AKAP19: variants seen among roughly 807,000 people sequenced by gnomAD.
AKAP19 encodes the protein A-kinase anchoring protein 19.
At chr2:189,987,152 T>C in the AKAP19 span, among the ~76,000 whole-genome samples, 1 of 152,154 alleles carries the variant, frequency 6.6e-6, no homozygotes, top group Non-Finnish European at 1.5e-5. Flanking sequence ...CAGGGGAAGG[T>C]AATTGAATCA....
chr2:190,083,245 G>T, the AKAP19 span, among the ~76,000 whole-genome samples: 1 of 152,110 alleles, frequency 6.6e-6, no homozygotes, highest in Non-Finnish European at 1.5e-5. Flanking sequence ...CAGGTGTGGT[G>T]GTGTGCACCT....
the AKAP19 span, among the ~76,000 whole-genome samples, chr2:190,039,700 G>A: frequency 6.6e-6 from 1 of 151,820 alleles, no homozygotes; most frequent in Non-Finnish European, 1.5e-5. Context: ...AGACCCCGGT[G>A]TCTGTTGTTT....
chr2:189,999,084 T>C, the AKAP19 span, among the ~76,000 whole-genome samples: 1 of 152,074 alleles, frequency 6.6e-6, no homozygotes. Flanking sequence ...TTTTTTCTTT[T>C]ATTGACTTCT....
the AKAP19 span, among the ~76,000 whole-genome samples, chr2:190,122,717 A>C: frequency 1.4e-4 from 21 of 152,108 alleles, no homozygotes; most frequent in Non-Finnish European, 2.5e-4. Flanking sequence ...TATTTATTAC[A>C]GTTTCACATT....
At chr2:190,118,675 T>C in the AKAP19 span, among the ~76,000 whole-genome samples, 1 of 152,360 alleles carries the variant, frequency 6.6e-6, no homozygotes, top group African/African-American at 2.4e-5. Context: ...CAGCCCTTCA[T>C]GCTAAAAACT....
the AKAP19 span, among the ~76,000 whole-genome samples, chr2:190,021,728 A>G: frequency 6.6e-6 from 1 of 152,194 alleles, no homozygotes; most frequent in Non-Finnish European, 1.5e-5. Flanking sequence ...TGCCATTTGT[A>G]TAACTGAAAC....
At chr2:189,943,531 G>A in the AKAP19 span, among the ~76,000 whole-genome samples, 1 of 152,210 alleles carries the variant, frequency 6.6e-6, no homozygotes, top group African/African-American at 2.4e-5. Context: ...GGAAATGTGG[G>A]GTTGGAGCCC....
At chr2:189,926,160 A>G in the AKAP19 span, among the ~76,000 whole-genome samples, 3 of 152,110 alleles carry the variant, frequency 2.0e-5, no homozygotes, top group Admixed American at 2.0e-4. Context: ...TTTCTTGACT[A>G]TTTTCCAAGG....
the AKAP19 span, among the ~76,000 whole-genome samples, chr2:189,978,338 G>C: frequency 6.6e-6 from 1 of 151,226 alleles, no homozygotes; most frequent in Non-Finnish European, 1.5e-5. Context: ...GTGAAAATTT[G>C]GGCTGGGCAT....
the AKAP19 span, among the ~76,000 whole-genome samples, chr2:190,028,623 T>C: frequency 6.6e-6 from 1 of 152,214 alleles, no homozygotes. Flanking sequence ...TCAGTAGATA[T>C]TTGTTATTTA....
chr2:190,082,878 C>T, the AKAP19 span, among the ~76,000 whole-genome samples: 1 of 152,214 alleles, frequency 6.6e-6, no homozygotes, highest in Non-Finnish European at 1.5e-5. Flanking sequence ...CTACTTGTTC[C>T]AAATGTAATG....
At chr2:190,175,792 A>G in the AKAP19 span, among the ~76,000 whole-genome samples, 2 of 152,238 alleles carry the variant, frequency 1.3e-5, no homozygotes, top group African/African-American at 4.8e-5. Flanking sequence ...ATATATTAAA[A>G]TATTATAATG....
chr2:189,913,492 T>A, the AKAP19 span, among the ~76,000 whole-genome samples: 1 of 152,130 alleles, frequency 6.6e-6, no homozygotes, highest in Non-Finnish European at 1.5e-5. Context: ...TAAAACTATA[T>A]GTTACATTTA....
the AKAP19 span, among the ~76,000 whole-genome samples, chr2:190,186,533 G>T: frequency 6.6e-6 from 1 of 152,114 alleles, no homozygotes; most frequent in African/African-American, 2.4e-5. The surrounding 1 kb of genome is among the most constrained non-coding windows in gnomAD (Gnocchi z 5.5). Flanking sequence ...TGTTCTTTCG[G>T]TGACCTTCAT....
the AKAP19 span, among the ~76,000 whole-genome samples, chr2:190,019,617 C>T: frequency 6.6e-6 from 1 of 151,868 alleles, no homozygotes; most frequent in African/African-American, 2.4e-5. Flanking sequence ...TTCTACCTGA[C>T]CCTAGGTGAT....
the AKAP19 span, chr2:190,137,696 G>A: frequency 6.6e-6 from 1 of 152,130 alleles, no homozygotes; most frequent in African/African-American, 2.4e-5. Context: ...CTGATTATTG[G>A]GTGAAAAGTG....
At chr2:190,188,087 CAGAG>C in the AKAP19 span, among the ~76,000 whole-genome samples, 4 of 152,054 alleles carry the variant, frequency 2.6e-5, no homozygotes, top group Non-Finnish European at 5.9e-5. Flanking sequence ...GGGTAGGAGA[CAGAG>C]GGAGAGGGAG....
At chr2:190,081,677 C>T in the AKAP19 span, among the ~76,000 whole-genome samples, 1 of 152,106 alleles carries the variant, frequency 6.6e-6, no homozygotes, top group Non-Finnish European at 1.5e-5. Context: ...TTAAACTCCC[C>T]TATAGATGGA....
chr2:189,908,088 G>T, the AKAP19 span, among the ~76,000 whole-genome samples: 1 of 151,582 alleles, frequency 6.6e-6, no homozygotes, highest in Non-Finnish European at 1.5e-5. Context: ...CCTTCCTTCT[G>T]CTAACTTTAG....
Sources: gnomAD v4.1 joint callset for allele counts (sites outside exome capture counted in the v4.1 genomes callset) on GRCh38, gnomAD v4.1.1 for gene constraint, Gnocchi (gnomAD v3.1) non-coding constraint, MANE v1.5 for transcripts, NCBI Gene and HGNC (gene_info 2026-07-23, HGNC 2026-07-21) for gene names.